Variants in CTNND2 observed in about 807,000 individuals in gnomAD.
CTNND2 encodes catenin delta 2.
In CTNND2, 22 loss-of-function variants were observed where a neutral mutation model predicts 144.4. That is an observed-to-expected ratio of 0.15 (90% confidence interval 0.11 to 0.22). CTNND2 has a LOEUF of 0.22. CTNND2 is among the 10% of genes least tolerant of loss of function. The pLI, the probability that CTNND2 is intolerant of heterozygous loss-of-function variation, is 1.00. For missense variants in CTNND2, 1,353 were observed against 1,618.8 expected (o/e 0.84, Z 2.82); for synonymous variants, 751 against 695.6 (o/e 1.08, Z -1.25).
chr5:11,850,401 A>G (rs74949651), intron 1 of CTNND2, among the ~76,000 whole-genome samples: 71 of 152,340 alleles, frequency 4.7e-4, no homozygotes, highest in African/African-American at 1.7e-3. Flanking sequence ...GTAGCTACTA[A>G]CAATCAACTT....
intron 9 of CTNND2, among the ~76,000 whole-genome samples, chr5:11,308,224 CTTT>C (rs57613248): frequency 6.9e-6 from 1 of 145,680 alleles, no homozygotes; most frequent in Non-Finnish European, 1.5e-5. Context: ...ATTATAATTA[CTTT>C]TTTTTTTTTT....
At chr5:11,143,791 T>C (rs1341455950) in intron 12 of CTNND2, among the ~76,000 whole-genome samples, 1 of 152,242 alleles carries the variant, frequency 6.6e-6, no homozygotes, top group African/African-American at 2.4e-5. Flanking sequence ...GCTGAGATTT[T>C]TGCACTTGTT....
chr5:11,201,380 GACA>G (rs141682888), intron 10 of CTNND2, among the ~76,000 whole-genome samples: 1 of 151,994 alleles, frequency 6.6e-6, no homozygotes, highest in Non-Finnish European at 1.5e-5. Flanking sequence ...CCTCTTTAAA[GACA>G]ACAAACAAAC....
chr5:11,157,261 C>T (rs1758305723), intron 12 of CTNND2, among the ~76,000 whole-genome samples: 1 of 152,216 alleles, frequency 6.6e-6, no homozygotes, highest in Non-Finnish European at 1.5e-5. Context: ...CCTCTAGAGT[C>T]CTTTCAACGC....
Position 11,440,611 on chromosome 5 carries a change from A to T in CTNND2, c.288-28542T>A, listed in dbSNP as rs1764177341. ...TTGTATTCAGAAATTGAGAAGACTAAAGTGTATTTTGATTTCCTACTACTA... is the reference window on the plus strand; with the variant it reads ...TTGTATTCAGAAATTGAGAAGACTATAGTGTATTTTGATTTCCTACTACTA... On this transcript the variant is annotated intron_variant, in intron 3 of 21. Coordinates refer to ENST00000304623, the MANE Select transcript of CTNND2 (RefSeq NM_001332.4). 2.0e-5 allele frequency among the ~76,000 whole-genome samples: 3 copies of T among 152,188 alleles called. No homozygotes were observed. In the South Asian group the frequency reaches 6.2e-4, roughly 31 times the overall value.
intron 16 of CTNND2, among the ~76,000 whole-genome samples, chr5:11,039,071 A>G (rs1403611565): frequency 1.3e-5 from 2 of 152,154 alleles, no homozygotes; most frequent in African/African-American, 4.8e-5. Context: ...AAACAATCCC[A>G]AAGCAAGCAA....
At chr5:11,806,236 T>C (rs754934914) in intron 1 of CTNND2, among the ~76,000 whole-genome samples, 1 of 152,156 alleles carries the variant, frequency 6.6e-6, no homozygotes, top group Non-Finnish European at 1.5e-5. Flanking sequence ...ATGTTCAAGA[T>C]GTTCAGATGA....
chr5:11,753,070 G>C (rs1788716072), intron 1 of CTNND2, among the ~76,000 whole-genome samples: 1 of 151,838 alleles, frequency 6.6e-6, no homozygotes, highest in African/African-American at 2.4e-5. Flanking sequence ...AGATCTACGA[G>C]CTCTGGGGCA....
At chr5:11,774,560 T>A (rs7723176) in intron 1 of CTNND2, among the ~76,000 whole-genome samples, 8,355 of 37,072 alleles carry the variant, frequency 0.23, 670 homozygotes, top group Middle Eastern at 0.52. Context: ...TAAAAAAAAA[T>A]TAAAAAAAAA....
intron 2 of CTNND2, among the ~76,000 whole-genome samples, chr5:11,723,554 T>C (rs1304014379): frequency 2.0e-5 from 3 of 152,144 alleles, no homozygotes; most frequent in African/African-American, 7.2e-5. Context: ...ACTAAGGACT[T>C]TTACCACAAT....
At chr5:11,227,668 C>A (rs1334872960) in intron 10 of CTNND2, among the ~76,000 whole-genome samples, 1 of 151,906 alleles carries the variant, frequency 6.6e-6, no homozygotes, top group Non-Finnish European at 1.5e-5. Context: ...ATGAAATGTT[C>A]TAAATTTGTT....
At chr5:11,191,559 C>T (rs1387375268) in intron 11 of CTNND2, among the ~76,000 whole-genome samples, 3 of 152,194 alleles carry the variant, frequency 2.0e-5, no homozygotes, top group African/African-American at 7.2e-5. Flanking sequence ...TGAGACTGTC[C>T]ATGGAGACAT....
At chr5:11,128,822 T>TAA (rs1755011271) in intron 12 of CTNND2, among the ~76,000 whole-genome samples, 1 of 66,810 alleles carries the variant, frequency 1.5e-5, no homozygotes, top group Non-Finnish European at 2.9e-5. Context: ...ATATAATATA[T>TAA]ATTATATATT....
chr5:11,051,291 A>G (rs1745798854), intron 16 of CTNND2, among the ~76,000 whole-genome samples: 2 of 152,160 alleles, frequency 1.3e-5, no homozygotes. Context: ...AATAGAAGAG[A>G]ATTTTGGGTG....
At chr5:11,144,600 C>A (rs372772851) in intron 12 of CTNND2, among the ~76,000 whole-genome samples, 1 of 152,256 alleles carries the variant, frequency 6.6e-6, no homozygotes, top group African/African-American at 2.4e-5. Context: ...GGGGGTCTAC[C>A]TTTTGGTCCA....
At chr5:11,495,443 G>T (rs1483065135) in intron 3 of CTNND2, among the ~76,000 whole-genome samples, 1 of 152,092 alleles carries the variant, frequency 6.6e-6, no homozygotes, top group Non-Finnish European at 1.5e-5. Context: ...AAATGCACCT[G>T]TAGCCTAAAA....
At chr5:11,303,459 A>G (rs1409447951) in intron 9 of CTNND2, among the ~76,000 whole-genome samples, 2 of 152,274 alleles carry the variant, frequency 1.3e-5, no homozygotes, top group Middle Eastern at 3.4e-3. Context: ...TCCTCCTTCT[A>G]TAAAACATAG....
chr5:11,372,244 T>C (rs1757533006), intron 7 of CTNND2, among the ~76,000 whole-genome samples: 1 of 152,210 alleles, frequency 6.6e-6, no homozygotes, highest in South Asian at 2.1e-4. Flanking sequence ...ATGGTAAGTG[T>C]GTCCATGTGA....
chr5:11,483,720 C>G (rs1768512167), intron 3 of CTNND2, among the ~76,000 whole-genome samples: 1 of 152,148 alleles, frequency 6.6e-6, no homozygotes, highest in African/African-American at 2.4e-5. Flanking sequence ...GGCACCGAGT[C>G]TGTTCTCAGA....
Sources: gnomAD v4.1 joint callset for allele counts (sites outside exome capture counted in the v4.1 genomes callset) on GRCh38, gnomAD v4.1.1 for gene constraint, MANE v1.5 for transcripts, NCBI Gene and HGNC (gene_info 2026-07-23, HGNC 2026-07-21) for gene names.